Variants in GRM7 observed in about 807,000 individuals in gnomAD.
GRM7 encodes metabotropic glutamate receptor 7.
A neutral mutation model predicts 84.5 loss-of-function variants in GRM7; 35 were observed. The observed-to-expected ratio is 0.41, with a 90% CI of 0.32 to 0.55. The LOEUF (loss-of-function observed/expected upper bound fraction) is 0.55, where lower values mean the gene tolerates loss of function less well. Ranked by LOEUF, GRM7 falls within the 20% of genes least tolerant of loss-of-function variation. The probability of loss-of-function intolerance (pLI) is 0.19; values close to 1 mark genes in which losing one functional copy is unlikely to be tolerated. For synonymous variants in GRM7, 487 were observed against 455.1 expected (o/e 1.07, Z -0.89); for missense variants, 1,003 against 1,194.6 (o/e 0.84, Z 2.36).
At chr3:7,003,225 A>G in intron 1 of GRM7, among the ~76,000 whole-genome samples, 1 of 152,274 alleles carries the variant, frequency 6.6e-6, no homozygotes, top group South Asian at 2.1e-4. Flanking sequence ...CAAAATTGCT[A>G]AAGAATTGAT....
intron 8 of GRM7, among the ~76,000 whole-genome samples, chr3:7,661,390 A>G (rs1699436811): frequency 1.3e-5 from 2 of 152,192 alleles, no homozygotes; most frequent in South Asian, 4.1e-4. Flanking sequence ...TAAAACCACA[A>G]TTGAATTTTC....
intron 1 of GRM7, among the ~76,000 whole-genome samples, chr3:7,064,473 T>C (rs376137719): frequency 1.0e-5 from 1 of 95,642 alleles, no homozygotes; most frequent in Middle Eastern, 5.2e-3. Flanking sequence ...CATATATATA[T>C]ATATATACAC....
chr3:7,505,560 G>A (rs1700015286), intron 7 of GRM7, among the ~76,000 whole-genome samples: 1 of 152,234 alleles, frequency 6.6e-6, no homozygotes, highest in South Asian at 2.1e-4. Flanking sequence ...TCTAATTGGA[G>A]GAAGTCATGT....
intron 1 of GRM7, among the ~76,000 whole-genome samples, chr3:6,967,244 A>C (rs1205280367): frequency 6.6e-6 from 1 of 152,038 alleles, no homozygotes; most frequent in Non-Finnish European, 1.5e-5. Flanking sequence ...GCTGGAATGC[A>C]TTGACACAAT....
intron 2 of GRM7, among the ~76,000 whole-genome samples, chr3:7,257,206 A>G (rs532999890): frequency 6.9e-4 from 105 of 152,326 alleles, no homozygotes; most frequent in African/African-American, 7.2e-4. Context: ...GGTGTTTTCT[A>G]TGGAAGACCT....
chr3:6,985,251 A>G (rs758741989), intron 1 of GRM7, among the ~76,000 whole-genome samples: 43 of 152,186 alleles, frequency 2.8e-4, no homozygotes, highest in Non-Finnish European at 3.5e-4. Context: ...TTTAAAATGT[A>G]CAATTAAGTT....
At chr3:7,729,969 G>A (rs530541220) in intron 9 of GRM7, among the ~76,000 whole-genome samples, 1 of 150,186 alleles carries the variant, frequency 6.7e-6, no homozygotes, top group South Asian at 2.1e-4. Context: ...CCACCTCCTG[G>A]GTTCAAGCAA....
At chr3:7,599,312 G>T (rs1371077127) in intron 8 of GRM7, among the ~76,000 whole-genome samples, 1 of 151,978 alleles carries the variant, frequency 6.6e-6, no homozygotes, top group Non-Finnish European at 1.5e-5. Flanking sequence ...CTTTTTGTTA[G>T]TCTGTTTCTT....
chr3:7,341,617 A>C (rs1692636988), intron 4 of GRM7, among the ~76,000 whole-genome samples: 1 of 152,060 alleles, frequency 6.6e-6, no homozygotes, highest in Non-Finnish European at 1.5e-5. Context: ...ATAAGCAAAA[A>C]CTGCCTTTAC....
At chr3:7,445,261 G>A (rs180843626) in intron 5 of GRM7, among the ~76,000 whole-genome samples, 1 of 152,268 alleles carries the variant, frequency 6.6e-6, no homozygotes, top group East Asian at 1.9e-4. Context: ...AAGAATTAAA[G>A]GAGGACAAGA....
intron 9 of GRM7, among the ~76,000 whole-genome samples, chr3:7,687,969 G>C (rs747816914): frequency 4.6e-5 from 7 of 152,036 alleles, no homozygotes; most frequent in Non-Finnish European, 8.8e-5. Context: ...TTCTCCCAGT[G>C]AATATGTAAC....
intron 4 of GRM7, among the ~76,000 whole-genome samples, chr3:7,411,683 G>A (rs931757820): frequency 6.6e-6 from 1 of 152,064 alleles, no homozygotes; most frequent in Non-Finnish European, 1.5e-5. Context: ...TTTGTGAACA[G>A]CATTTTTTTC....
At chr3:7,555,572 T>C (rs1693716207) in intron 7 of GRM7, among the ~76,000 whole-genome samples, 1 of 152,236 alleles carries the variant, frequency 6.6e-6, no homozygotes, top group African/African-American at 2.4e-5. Flanking sequence ...TCCTAACAAT[T>C]CTGTGCACCT....
At chr3:7,690,341 G>A (rs920135137) in intron 9 of GRM7, among the ~76,000 whole-genome samples, 2 of 152,106 alleles carry the variant, frequency 1.3e-5, no homozygotes, top group Non-Finnish European at 2.9e-5. Flanking sequence ...CTGTTACCTA[G>A]AACTCGGTAG....
chr3:6,986,816 AC>A (rs1694428838), intron 1 of GRM7, among the ~76,000 whole-genome samples: 2 of 151,800 alleles, frequency 1.3e-5, no homozygotes, highest in Admixed American at 6.6e-5. Context: ...TCTGCCCCTC[AC>A]TTTTTCTTCT....
chr3:7,211,676 G>A (rs949880622), intron 2 of GRM7, among the ~76,000 whole-genome samples: 2 of 111,926 alleles, frequency 1.8e-5, no homozygotes, highest in Non-Finnish European at 3.5e-5. Flanking sequence ...AAATCACACT[G>A]AAGGGAAAAA....
intron 8 of GRM7, among the ~76,000 whole-genome samples, chr3:7,645,470 C>G (rs1698584796): frequency 1.4e-5 from 2 of 147,500 alleles, no homozygotes; most frequent in South Asian, 4.3e-4. Context: ...TCACTTGAAC[C>G]CAGGAGTCAG....
At chr3:7,695,237 C>G (rs552390107) in intron 9 of GRM7, among the ~76,000 whole-genome samples, 30 of 152,266 alleles carry the variant, frequency 2.0e-4, no homozygotes, top group Non-Finnish European at 4.3e-4. Flanking sequence ...TTGCTGAGCT[C>G]TGTTACTGGA....
intron 7 of GRM7, among the ~76,000 whole-genome samples, chr3:7,477,982 A>G (rs1229200495): frequency 6.6e-6 from 1 of 152,150 alleles, no homozygotes. Context: ...CCTGAAGAGC[A>G]AGTTCAATAA....
Sources: gnomAD v4.1 joint callset for allele counts (sites outside exome capture counted in the v4.1 genomes callset) on GRCh38, gnomAD v4.1.1 for gene constraint, MANE v1.5 for transcripts, NCBI Gene and HGNC (gene_info 2026-07-23, HGNC 2026-07-21) for gene names.